ASIP: variants seen among roughly 807,000 people sequenced by gnomAD.
ASIP encodes the protein agouti signaling protein.
Under a neutral mutation model 10.3 loss-of-function variants are expected in ASIP, and 11 were observed. The ratio of observed to expected loss-of-function variants is 1.07; its 90% CI spans 0.68 to 1.78. The LOEUF (loss-of-function observed/expected upper bound fraction) is 1.78, where lower values mean the gene tolerates loss of function less well. ASIP is among the 40% of genes most tolerant of loss of function. The pLI is 0.00. For missense variants in ASIP, 180 were observed against 169.2 expected (o/e 1.06, Z -0.35); for synonymous variants, 70 against 70.8 (o/e 0.99, Z 0.06).
intron 3 of ASIP, among the ~76,000 whole-genome samples, chr20:34,264,145 T>C (rs576167290): frequency 6.6e-6 from 1 of 152,292 alleles, no homozygotes; most frequent in East Asian, 1.9e-4. Context: ...AAATCTATTA[T>C]AAAAAATTAA....
intron 1 of ASIP, among the ~76,000 whole-genome samples, chr20:34,257,559 T>G (rs1360244387): frequency 6.6e-6 from 1 of 152,186 alleles, no homozygotes; most frequent in African/African-American, 2.4e-5. Flanking sequence ...TAATTTTATG[T>G]AACTAAAATA....
intron 1 of ASIP, among the ~76,000 whole-genome samples, chr20:34,218,758 G>A (rs1272058835): frequency 6.6e-6 from 1 of 152,068 alleles, no homozygotes. Context: ...CACCCCCTGG[G>A]TTCATGCCAT....
chr20:34,268,878 A>T, intron 3 of ASIP, 113 bp from the exon 4 acceptor site: 1 of 1,366,196 alleles, frequency 7.3e-7, no homozygotes, highest in South Asian at 1.3e-5. Context: ...TGGGCAAGCC[A>T]GCGGGGAAAC....
intron 1 of ASIP, among the ~76,000 whole-genome samples, chr20:34,257,064 C>CTCTTTT (rs1568767637): frequency 8.0e-6 from 1 of 125,602 alleles, no homozygotes; most frequent in Admixed American, 8.8e-5. Context: ...CTCTCTCTTT[C>CTCTTTT]TTTCTCTTTT....
chr20:34,264,865 G>A (rs1363012764), intron 3 of ASIP, among the ~76,000 whole-genome samples: 5 of 141,956 alleles, frequency 3.5e-5, no homozygotes, highest in Non-Finnish European at 7.5e-5. Flanking sequence ...GCACCATCTC[G>A]GCTCATTGCA....
chr20:34,207,608 A>G (rs2034945872), intron 1 of ASIP, among the ~76,000 whole-genome samples: 1 of 152,158 alleles, frequency 6.6e-6, no homozygotes, highest in Non-Finnish European at 1.5e-5. Flanking sequence ...GCCAGGACCA[A>G]CATCCTCAAG....
chr20:34,237,229 A>T (rs1444982077), upstream of ASIP, among the ~76,000 whole-genome samples: 1 of 150,668 alleles, frequency 6.6e-6, no homozygotes, highest in East Asian at 1.9e-4. Context: ...GAGATTCCAT[A>T]CAAATTTTAG....
chr20:34,198,080 C>CG (rs2034870355), intron 1 of ASIP, among the ~76,000 whole-genome samples: 1 of 139,366 alleles, frequency 7.2e-6, no homozygotes, highest in African/African-American at 2.7e-5. Flanking sequence ...TTTTTTGAGA[C>CG]GGAGTCTCAC....
intron 1 of ASIP, chr20:34,214,148 A>G: frequency 1.7e-6 from 2 of 1,178,702 alleles, no homozygotes; most frequent in Non-Finnish European, 2.6e-6. Flanking sequence ...GCTTTAATAA[A>G]TCTTGTATTC....
rs553784992 is a variant in ASIP, at chr20:34,207,766, C to T, written c.-11+13006C>T. On this transcript the variant is annotated intron_variant, in intron 1 of 3. Coordinates refer to the ASIP transcript ENST00000568305. Reference sequence around the variant, plus strand: ...ATATGGATATCCAGTTTTTCCAGCACCATTTATTTATTTATTTATTTATTT... The same window carrying T: ...ATATGGATATCCAGTTTTTCCAGCATCATTTATTTATTTATTTATTTATTT... Among the ~76,000 whole-genome samples, 762 of 150,092 alleles carry T rather than the reference C, an allele frequency of 5.1e-3. 6 individuals carry two copies. The highest frequency in any genetic ancestry group is 9.2e-3 in the Non-Finnish European group (622 of 67,548).
intron 1 of ASIP, among the ~76,000 whole-genome samples, chr20:34,197,138 G>A (rs979944302): frequency 1.3e-5 from 2 of 152,132 alleles, no homozygotes; most frequent in African/African-American, 4.8e-5. Context: ...ACTTTGGGAG[G>A]CTGAGGCAGG....
At chr20:34,256,018 G>A (rs950195536) in intron 1 of ASIP, among the ~76,000 whole-genome samples, 2 of 152,242 alleles carry the variant, frequency 1.3e-5, no homozygotes, top group Non-Finnish European at 2.9e-5. Flanking sequence ...GTGCTTCAGC[G>A]GTCACGCTCC....
chr20:34,243,217 C>G (rs562589862), intron 1 of ASIP, among the ~76,000 whole-genome samples: 2 of 152,302 alleles, frequency 1.3e-5, no homozygotes, highest in South Asian at 4.1e-4. Context: ...AGTCTTCTCT[C>G]AAGTTCTAAC....
chr20:34,223,596 G>A (rs1450491416), intron 1 of ASIP, among the ~76,000 whole-genome samples: 39 of 145,280 alleles, frequency 2.7e-4, no homozygotes, highest in Admixed American at 2.1e-3. Flanking sequence ...GAGGGAGGTG[G>A]GGGGGTCAGC....
At chr20:34,253,499 G>A (rs1218770072) in intron 1 of ASIP, among the ~76,000 whole-genome samples, 1 of 150,636 alleles carries the variant, frequency 6.6e-6, no homozygotes, top group African/African-American at 2.4e-5. Context: ...TAGAGACAGA[G>A]TCTTGCTCCG....
At chr20:34,240,953 A>G (rs891509440), upstream of ASIP, among the ~76,000 whole-genome samples, 1 of 152,136 alleles carries the variant, frequency 6.6e-6, no homozygotes, top group Non-Finnish European at 1.5e-5. Context: ...GCTGAAAGCA[A>G]AGAGATGAGG....
At chr20:34,206,446 C>T (rs929500037) in intron 1 of ASIP, among the ~76,000 whole-genome samples, 2 of 152,196 alleles carry the variant, frequency 1.3e-5, no homozygotes, top group Non-Finnish European at 2.9e-5. Flanking sequence ...TGACATTTAT[C>T]TTTCTGTGTT....
chr20:34,220,048 C>T (rs1032414449), intron 1 of ASIP, among the ~76,000 whole-genome samples: 4 of 151,952 alleles, frequency 2.6e-5, no homozygotes, highest in Admixed American at 2.0e-4. Context: ...CGAGATCGTG[C>T]CACTGCACTC....
At position 34,217,387 on chromosome 20, in the gene ASIP, G is replaced by C. The variant is rs961135430; in HGVS notation, c.-11+22627G>C. Among the ~76,000 whole-genome samples, 10 of 151,082 alleles carry C rather than the reference G, an allele frequency of 6.6e-5. 1 individual carries two copies. The highest frequency in any genetic ancestry group is 3.3e-4 in the Admixed American group (5 of 15,214). ...TGGGAGGCGCAGGTTGCAGTGAGCC[G>C]ACATCTCGCCACTGCACTCCAGCCT... is the stretch of plus-strand genomic sequence containing the variant. On this transcript the variant is annotated intron_variant, in intron 1 of 3. Transcript: ENST00000568305.
Sources: gnomAD v4.1 joint callset for allele counts (sites outside exome capture counted in the v4.1 genomes callset) on GRCh38, gnomAD v4.1.1 for gene constraint, MANE v1.5 for transcripts, NCBI Gene and HGNC (gene_info 2026-07-23, HGNC 2026-07-21) for gene names.